Variants in DDX50 observed in about 807,000 individuals in gnomAD.
The protein encoded by DDX50 is DExD-box helicase 50.
DDX50 carries 56 observed loss-of-function variants against 94.8 expected under a neutral mutation model. The ratio of observed to expected loss-of-function variants is 0.59; its 90% CI spans 0.48 to 0.74. The LOEUF (loss-of-function observed/expected upper bound fraction) is 0.74, where lower values mean the gene tolerates loss of function less well. Ranked by LOEUF, DDX50 falls within the 30% of genes least tolerant of loss-of-function variation. The pLI, the probability that DDX50 is intolerant of heterozygous loss-of-function variation, is 0.00. For synonymous variants in DDX50, 264 were observed against 295.4 expected (o/e 0.89, Z 1.09); for missense variants, 713 against 881.2 (o/e 0.81, Z 2.42).
intron 8 of DDX50, among the ~76,000 whole-genome samples, chr10:68,929,571 G>A (rs1206524505): frequency 4.6e-5 from 7 of 151,500 alleles, no homozygotes; most frequent in African/African-American, 1.7e-4. Context: ...GACTACAGGC[G>A]TGCACCACCA....
chr10:68,931,432 A>ACACACACATACAC (rs1261998646), intron 8 of DDX50, among the ~76,000 whole-genome samples: 1 of 61,496 alleles, frequency 1.6e-5, no homozygotes, highest in Non-Finnish European at 3.0e-5. Context: ...TATATACACA[A>ACACACACATACAC]ACACACACAC....
intron 12 of DDX50, 144 bp downstream of exon 12, chr10:68,937,239 C>T: frequency 2.3e-6 from 2 of 873,048 alleles, no homozygotes; most frequent in East Asian, 6.0e-5. Flanking sequence ...TTCCTCTACT[C>T]CCTAATAAAT....
intron 8 of DDX50, among the ~76,000 whole-genome samples, chr10:68,929,073 C>T (rs775924751): frequency 3.1e-4 from 47 of 151,554 alleles, no homozygotes; most frequent in Non-Finnish European, 5.2e-4. Context: ...GTCAGCCTCC[C>T]GAAGCTTGTA....
intron 7 of DDX50, among the ~76,000 whole-genome samples, chr10:68,917,086 G>A (rs947889996): frequency 2.6e-5 from 4 of 152,016 alleles, no homozygotes; most frequent in Non-Finnish European, 4.4e-5. Context: ...AATTCTTGAC[G>A]TTGCTACTGA....
At chr10:68,931,426 T>TATACACACACACAC (rs375773633) in intron 8 of DDX50, among the ~76,000 whole-genome samples, 60 of 84,832 alleles carry the variant, frequency 7.1e-4, no homozygotes, top group Non-Finnish European at 9.1e-4. Context: ...TATATATATA[T>TATACACACACACAC]ACACAAACAC....
chr10:68,902,380 G>C (rs1191063250), intron 1 of DDX50, among the ~76,000 whole-genome samples: 1 of 152,130 alleles, frequency 6.6e-6, no homozygotes, highest in Non-Finnish European at 1.5e-5. Context: ...GACTTATTTT[G>C]TATAGCCTTA....
At chr10:68,905,351 T>TA (rs71031803) in intron 1 of DDX50, among the ~76,000 whole-genome samples, 3,200 of 140,202 alleles carry the variant, frequency 0.023, 111 homozygotes, top group African/African-American at 0.077. Flanking sequence ...ATTTAAAACG[T>TA]AAAAAAAAAA....
In DDX50 at chr10:68,926,103, A is replaced by AGGAGTTAG. The variant is rs957328178; in HGVS notation, c.1239+6122_1239+6123insGGAGTTAG. 7.1e-5 allele frequency among the ~76,000 whole-genome samples: 10 copies of AGGAGTTAG among 141,464 alleles called. 1 individual carries two copies. Among genetic ancestry groups the AGGAGTTAG allele is most frequent in the African/African-American group, 2.4e-4 (9 of 37,688 alleles). 92.8% of individuals were successfully genotyped at this position (141,464 alleles called of 152,430 possible). A position where few individuals can be genotyped will look rare whatever the true frequency, so the allele number is the denominator to read the frequency against. On this transcript the variant is annotated intron_variant, in intron 8 of 14. Coordinates refer to ENST00000373585, the MANE Select transcript of DDX50 (RefSeq NM_024045.2). Reference sequence around the variant, plus strand: ...TGAGGCAAGAGGATTGCCTGAGCCCAAGAGTTAGAGGTTGCAGTGAGCTAT... The same window carrying AGGAGTTAG: ...TGAGGCAAGAGGATTGCCTGAGCCCAGGAGTTAGAGAGTTAGAGGTTGCAGTGAGCTAT...
chr10:68,928,341 G>A (rs900127571), intron 8 of DDX50, among the ~76,000 whole-genome samples: 2 of 151,950 alleles, frequency 1.3e-5, no homozygotes, highest in African/African-American at 4.8e-5. Flanking sequence ...AAATTTAAAA[G>A]GTGGTATTAA....
chr10:68,932,058 A>T (rs924760249), intron 8 of DDX50, among the ~76,000 whole-genome samples: 1 of 152,056 alleles, frequency 6.6e-6, no homozygotes. Flanking sequence ...TTCCTGTAAC[A>T]CTCTGAACCT....
intron 8 of DDX50, among the ~76,000 whole-genome samples, chr10:68,927,319 A>C (rs755720496): frequency 3.9e-5 from 6 of 152,020 alleles, no homozygotes; most frequent in Non-Finnish European, 8.8e-5. Flanking sequence ...ATTTTTCTTA[A>C]CTTGGGTTAT....
At chr10:68,902,410 C>T (rs1272925945) in intron 1 of DDX50, among the ~76,000 whole-genome samples, 1 of 152,186 alleles carries the variant, frequency 6.6e-6, no homozygotes, top group Non-Finnish European at 1.5e-5. Context: ...ATCTACCTCT[C>T]TGACCTTATC....
chr10:68,937,205 C>A, intron 12 of DDX50, 110 bp downstream of exon 12: 1 of 1,144,454 alleles, frequency 8.7e-7, no homozygotes, highest in Non-Finnish European at 1.2e-6. Context: ...CTGTTTTGCT[C>A]TATGAGAAAC....
chr10:68,944,792 G>T (rs1410908708), intron 14 of DDX50, among the ~76,000 whole-genome samples: 1 of 151,998 alleles, frequency 6.6e-6, no homozygotes. Flanking sequence ...TGATCCGCCC[G>T]CCTCGGCCTC....
Position 68,914,135 on chromosome 10 carries a change from C to T in DDX50, c.1020C>T (p.Tyr340=), listed in dbSNP as rs1385349857. ...PQWVYKVAKK[Y]MKSRYEQVDL... ...GGGTATACAAAGTTGCAAAAAAATACATGAAATCCAGATATGAACAGGTTG... is the reference window on the plus strand; with the variant it reads ...GGGTATACAAAGTTGCAAAAAAATATATGAAATCCAGATATGAACAGGTTG... Residue 340 remains tyrosine (Y), a synonymous_variant, in exon 7 of 15, where the codon TAC becomes TAT. Coordinates refer to ENST00000373585, the MANE Select transcript of DDX50 (RefSeq NM_024045.2). The T allele has an allele frequency of 1.2e-6, 2 of 1,612,088 alleles. No individual in the cohort carries two copies. The highest frequency in any genetic ancestry group is 1.7e-6 in the Non-Finnish European group (2 of 1,179,358).
At chr10:68,918,635 C>T (rs1434106477) in intron 7 of DDX50, among the ~76,000 whole-genome samples, 1 of 151,926 alleles carries the variant, frequency 6.6e-6, no homozygotes. Flanking sequence ...CCATGTTCCC[C>T]AGGCTGGTCT....
intron 14 of DDX50, among the ~76,000 whole-genome samples, chr10:68,944,611 AT>A (rs1842624411): frequency 6.6e-6 from 1 of 151,910 alleles, no homozygotes; most frequent in Admixed American, 6.6e-5. Context: ...CAGTGGTGTG[AT>A]CTCAGCTCAC....
chr10:68,920,115 C>A, intron 8 of DDX50, 134 bp downstream of exon 8: 1 of 1,058,808 alleles, frequency 9.4e-7, no homozygotes, highest in Non-Finnish European at 1.4e-6. Flanking sequence ...CATGGTGGCC[C>A]ACACCTGTAA....
intron 1 of DDX50, among the ~76,000 whole-genome samples, chr10:68,902,493 C>T (rs1315523545): frequency 2.0e-5 from 3 of 152,164 alleles, no homozygotes; most frequent in African/African-American, 4.8e-5. Context: ...TCATTTTAAC[C>T]ATTTTTAAGT....
Sources: gnomAD v4.1 joint callset for allele counts (sites outside exome capture counted in the v4.1 genomes callset) on GRCh38, gnomAD v4.1.1 for gene constraint, MANE v1.5 for transcripts, NCBI Gene and HGNC (gene_info 2026-07-23, HGNC 2026-07-21) for gene names.